Variants in RTF1 observed in about 807,000 individuals in gnomAD.
The protein encoded by RTF1 is RNA polymerase-associated protein RTF1 homolog.
In RTF1, 10 loss-of-function variants were observed where a neutral mutation model predicts 95.7. The ratio of observed to expected loss-of-function variants is 0.10; its 90% CI spans 0.06 to 0.18. The LOEUF is 0.18. RTF1 is among the 10% of genes least tolerant of loss of function. The pLI is 1.00. For missense variants in RTF1, 458 were observed against 875.6 expected, an observed-to-expected ratio of 0.52 and a Z score of 6.02; for synonymous variants, 305 against 311.8, an observed-to-expected ratio of 0.98 and a Z score of 0.23.
intron 8 of RTF1, among the ~76,000 whole-genome samples, chr15:41,472,666 C>T (rs1042406657): frequency 2.6e-5 from 4 of 151,384 alleles, no homozygotes; most frequent in Admixed American, 6.6e-5. Flanking sequence ...TACAGGCATG[C>T]GCCACCACGC....
rs762619230 is a variant in RTF1 at position 41,464,759 on chromosome 15, T to C, written c.663-12T>C. ...TTCATTGCTACTTAAAAACCAAATA[T>C]CTTTTAACCAGATTTGAAATCAAGA... On this transcript the variant is annotated splice_polypyrimidine_tract_variant and intron_variant, in intron 4 of 17. Transcript: ENST00000389629. 2 of 1,540,642 alleles carry C rather than the reference T, an allele frequency of 1.3e-6. No homozygotes were observed. Among genetic ancestry groups the C allele is most frequent in the South Asian group, 1.2e-5 (1 of 81,594 alleles).
intron 8 of RTF1, among the ~76,000 whole-genome samples, chr15:41,472,856 C>G (rs971492436): frequency 5.9e-5 from 9 of 151,964 alleles, no homozygotes; most frequent in Non-Finnish European, 8.8e-5. Flanking sequence ...CGCCCGCAAC[C>G]ACGCCTGGTT....
At chr15:41,450,297 C>T (rs1264980836) in intron 2 of RTF1, among the ~76,000 whole-genome samples, 3 of 152,134 alleles carry the variant, frequency 2.0e-5, no homozygotes, top group Non-Finnish European at 4.4e-5. Flanking sequence ...AGGCCAGGTG[C>T]GGTGGCTCAT....
intron 1 of RTF1, among the ~76,000 whole-genome samples, chr15:41,418,240 A>G (rs1255228982): frequency 6.6e-6 from 1 of 152,228 alleles, no homozygotes; most frequent in Non-Finnish European, 1.5e-5. Context: ...CAAATGATGT[A>G]AAGAAAGAAT....
At position 41,477,293 on chromosome 15, in the gene RTF1, T is replaced by C. The variant is rs1566850202; in HGVS notation, c.1682+7T>C. The C allele has an allele frequency of 2.5e-6, 4 of 1,614,204 alleles. No individual in the cohort carries two copies. The highest frequency in any genetic ancestry group is 3.4e-6 in the Non-Finnish European group (4 of 1,180,028). ...AGAACATATCCGCTATCAGGTGTGT[T>C]ATGGAGCCTATTTTTGGCCCGCAGA... On this transcript the variant is annotated splice_region_variant and intron_variant, in intron 13 of 17. Coordinates refer to ENST00000389629, the MANE Select transcript of RTF1 (RefSeq NM_015138.5).
chr15:41,480,549 C>A, intron 17 of RTF1, 32 bp from the exon 18 acceptor site: 1 of 1,526,620 alleles, frequency 6.6e-7, no homozygotes, highest in African/African-American at 1.4e-5. Flanking sequence ...TTTGTGGGAC[C>A]TCAGCTGCCA....
rs1295503805 is a variant in RTF1 at position 41,417,169 on chromosome 15, G to T, written c.54G>T (p.Ala18=). 6 of 1,262,272 alleles carry T rather than the reference G, an allele frequency of 4.8e-6. No homozygotes were observed. Among genetic ancestry groups the T allele is most frequent in the Non-Finnish European group, 6.0e-6 (6 of 999,522 alleles). 78.2% of individuals were successfully genotyped at this position (1,262,272 alleles called of 1,614,324 possible). A position where few individuals can be genotyped will look rare whatever the true frequency, so the allele number is the denominator to read the frequency against. Residue 18 remains alanine, a synonymous_variant, in exon 1 of 18, where the codon GCG becomes GCT. Transcript: ENST00000389629. ...CAGCGGCGGCGGCGGCGGCAGTGGC[G>T]GTCCCACTGGCAGGCGGGCAAGAGG... ...GRAAAAAAAV[A]VPLAGGQEGS...
In RTF1 at chr15:41,482,403, C is replaced by G. The variant is rs1324004503; in HGVS notation, c.*1716C>G. 1 of 152,566 alleles carries G rather than the reference C, an allele frequency of 6.6e-6. No homozygotes were observed. Among genetic ancestry groups the G allele is most frequent in the South Asian group, 2.1e-4 (1 of 4,834 alleles). 9.5% of individuals were successfully genotyped at this position (152,566 alleles called of 1,614,324 possible). On this transcript the variant is annotated 3_prime_UTR_variant, in exon 18 of 18. Coordinates refer to ENST00000389629, the MANE Select transcript of RTF1 (RefSeq NM_015138.5). ...ATCTAAAAGCTCTGCTTTGTACTTC[C>G]TCACCCTGCTTTCGTACAAGGAAGG...
chr15:41,423,832 C>G (rs570545321), intron 1 of RTF1, among the ~76,000 whole-genome samples: 1 of 152,008 alleles, frequency 6.6e-6, no homozygotes, highest in East Asian at 1.9e-4. Context: ...AGCTCACTGC[C>G]ACCTCCGCTT....
intron 1 of RTF1, among the ~76,000 whole-genome samples, chr15:41,429,524 T>C (rs1203333767): frequency 2.6e-5 from 4 of 152,062 alleles, no homozygotes; most frequent in Non-Finnish European, 5.9e-5. Context: ...TTCAAACCAT[T>C]TGATGGCTTC....
intron 6 of RTF1, among the ~76,000 whole-genome samples, chr15:41,469,988 G>T (rs1595438873): frequency 6.6e-6 from 1 of 152,128 alleles, no homozygotes; most frequent in East Asian, 1.9e-4. Flanking sequence ...CCATAAAAGA[G>T]AACTGTCAGT....
intron 8 of RTF1, among the ~76,000 whole-genome samples, chr15:41,474,127 T>A (rs770380256): frequency 5.5e-4 from 83 of 152,166 alleles, no homozygotes; most frequent in Non-Finnish European, 5.7e-4. Context: ...TCCTCCTACC[T>A]CAGCCTCCCA....
chr15:41,460,489 A>T (rs1042335424), intron 4 of RTF1, among the ~76,000 whole-genome samples: 2 of 152,148 alleles, frequency 1.3e-5, no homozygotes, highest in African/African-American at 2.4e-5. Context: ...GACTTAATAA[A>T]CTGTGCTGGA....
intron 1 of RTF1, among the ~76,000 whole-genome samples, chr15:41,428,411 G>T (rs1197631620): frequency 6.7e-6 from 1 of 149,640 alleles, no homozygotes; most frequent in African/African-American, 2.5e-5. Flanking sequence ...GGGACTACAG[G>T]TGCCCGCCAC....
intron 1 of RTF1, among the ~76,000 whole-genome samples, chr15:41,422,128 G>A (rs1267118734): frequency 6.6e-6 from 1 of 152,040 alleles, no homozygotes; most frequent in Non-Finnish European, 1.5e-5. Flanking sequence ...TCCACCTCCT[G>A]GGTTCAAGCA....
intron 4 of RTF1, 27 bp from the exon 5 acceptor site, chr15:41,464,744 C>A (rs1329808234): frequency 6.6e-7 from 1 of 1,515,906 alleles, no homozygotes; most frequent in South Asian, 1.2e-5. Flanking sequence ...TTCATTGCTA[C>A]TTAAAAACCA....
intron 4 of RTF1, among the ~76,000 whole-genome samples, chr15:41,464,329 C>A (rs1032623365): frequency 6.7e-6 from 1 of 150,374 alleles, no homozygotes; most frequent in Admixed American, 6.7e-5. Flanking sequence ...TGGCTCATTG[C>A]AACCTCCCTC....
intron 1 of RTF1, among the ~76,000 whole-genome samples, chr15:41,425,196 G>C (rs1474932074): frequency 6.6e-6 from 1 of 152,008 alleles, no homozygotes. Context: ...TCGCCTCCCG[G>C]GTTCATACCA....
chr15:41,457,639 T>G (rs746781879), intron 3 of RTF1, 33 bp from the exon 4 acceptor site: 1 of 1,601,208 alleles, frequency 6.2e-7, no homozygotes, highest in Non-Finnish European at 8.6e-7. Context: ...TTCTGTAGCA[T>G]AGTGTAATCT....
Sources: allele counts gnomAD v4.1 joint callset (sites outside exome capture counted in the v4.1 genomes callset), GRCh38; gene constraint gnomAD v4.1.1; transcripts MANE v1.5; gene names NCBI Gene and HGNC (gene_info 2026-07-23, HGNC 2026-07-21).